Variants in LHX6 observed in about 807,000 individuals in gnomAD.
The protein encoded by LHX6 is LIM homeobox 6.
Under a neutral mutation model 47.1 loss-of-function variants are expected in LHX6, and 15 were observed. The ratio of observed to expected loss-of-function variants is 0.32; its 90% CI spans 0.21 to 0.49. The LOEUF is 0.49. LHX6 is among the 20% of genes least tolerant of loss of function. The pLI is 0.99. For synonymous variants in LHX6, 242 were observed against 233.5 expected, an observed-to-expected ratio of 1.04 and a Z score of -0.33; for missense variants, 404 against 539.6, an observed-to-expected ratio of 0.75 and a Z score of 2.49.
chr9:122,223,891 G>A (rs1830979335), intron 4 of LHX6, among the ~76,000 whole-genome samples: 1 of 152,172 alleles, frequency 6.6e-6, no homozygotes, highest in Non-Finnish European at 1.5e-5. Flanking sequence ...AGAGCCAGGA[G>A]AGGTGTCCTA....
rs1254878916 is a variant in LHX6 at position 122,214,783 on chromosome 9, G to C, written c.683-400C>G. ...GGACACCAAAGGCTAGAGGAGATAGGAAGCAAGCAAGTAACGGAACTATGC... is the reference window on the plus strand; with the variant it reads ...GGACACCAAAGGCTAGAGGAGATAGCAAGCAAGCAAGTAACGGAACTATGC... On this transcript the variant is annotated intron_variant, in intron 5 of 9. Transcript: ENST00000394319. The surrounding 1 kb of genome is among the most constrained non-coding windows in gnomAD (Gnocchi z 4.6). 1.3e-5 allele frequency among the ~76,000 whole-genome samples: 2 copies of C among 152,140 alleles called. No individual in the cohort carries two copies. The highest frequency in any genetic ancestry group is 4.8e-5 in the African/African-American group (2 of 41,426).
Position 122,213,100 on chromosome 9 carries a change from C to G in LHX6, c.1054+506G>C, listed in dbSNP as rs535702631. 6.6e-6 allele frequency among the ~76,000 whole-genome samples: 1 copy of G among 152,102 alleles called. No homozygotes were observed. The highest frequency in any genetic ancestry group is 1.9e-4 in the East Asian group (1 of 5,130). On this transcript the variant is annotated intron_variant, in intron 8 of 9. Transcript: ENST00000394319. The surrounding 1 kb of genome is among the most constrained non-coding windows in gnomAD (Gnocchi z 5.5). ...AGGGCCTGCGTGCATTCCGTTCCCC[C>G]ACTCCAGGTACCTCACTAAATCCTA...
chr9:122,218,953 C>A (rs975771812), intron 4 of LHX6, among the ~76,000 whole-genome samples: 2 of 152,158 alleles, frequency 1.3e-5, no homozygotes, highest in African/African-American at 4.8e-5. Context: ...GTTTCTGGCT[C>A]TTCTCTTCCA....
At chr9:122,220,477 C>A (rs1023424670) in intron 4 of LHX6, among the ~76,000 whole-genome samples, 1 of 152,222 alleles carries the variant, frequency 6.6e-6, no homozygotes, top group Non-Finnish European at 1.5e-5. Context: ...TCCGACAGAA[C>A]GACAGACTCC....
intron 9 of LHX6, among the ~76,000 whole-genome samples, chr9:122,208,801 C>G (rs1030708193): frequency 2.1e-5 from 3 of 143,660 alleles, no homozygotes; most frequent in South Asian, 2.2e-4. Flanking sequence ...CGCCATTGCA[C>G]TCCAGCCTGG....
intron 1 of LHX6, chr9:122,227,949 T>TCCTGGGGGGCCCCCC: frequency 5.7e-6 from 1 of 176,980 alleles, no homozygotes; most frequent in African/African-American, 2.4e-5. Flanking sequence ...TTTTTCTCTC[T>TCCTGGGGGGCCCCCC]CCACCCGCCC....
At position 122,213,847 on chromosome 9, in the gene LHX6, A is replaced by G; in HGVS notation, c.880-67T>C. ...GTCGGACGCGCCGCCGGGAGACCCC[A>G]GGCGGGACTGCCTCGTCGCCTCCTG... On this transcript the variant is annotated intron_variant, in intron 7 of 9. Coordinates refer to ENST00000394319, the MANE Select transcript of LHX6 (RefSeq NM_014368.5). The surrounding 1 kb of genome is among the most constrained non-coding windows in gnomAD (Gnocchi z 5.5). 6.5e-7 allele frequency: 1 copy of G among 1,529,646 alleles called. No individual in the cohort carries two copies. Among genetic ancestry groups the G allele is most frequent in the Non-Finnish European group, 8.8e-7 (1 of 1,132,916 alleles). 94.8% of individuals were successfully genotyped at this position (1,529,646 alleles called of 1,614,324 possible). A position where few individuals can be genotyped will look rare whatever the true frequency, so the allele number is the denominator to read the frequency against.
Position 122,226,066 on chromosome 9 carries a change from C to T in LHX6, c.461+310G>A, listed in dbSNP as rs572932242. On this transcript the variant is annotated intron_variant, in intron 4 of 9. Coordinates refer to ENST00000394319, the MANE Select transcript of LHX6 (RefSeq NM_014368.5). This position sits in a 1 kb window ranked among gnomAD's most constrained non-coding sequence, Gnocchi z 6.5. ...TGGGGACCTCAGAGCTCCACCGAGG[C>T]GCTCGAGGTCAGAACTGAAGCCTGA... Among the ~76,000 whole-genome samples the T allele has an allele frequency of 6.6e-6, 1 of 152,284 alleles. No individual in the cohort carries two copies. Among genetic ancestry groups the T allele is most frequent in the African/African-American group, 2.4e-5 (1 of 41,568 alleles).
intron 1 of LHX6, 35 bp from the exon 2 acceptor site, chr9:122,227,515 G>GGCT (rs759252680): frequency 5.2e-6 from 8 of 1,523,944 alleles, no homozygotes; most frequent in Non-Finnish European, 6.1e-6. Flanking sequence ...AGGCGGCGGC[G>GGCT]GCTGCTGAAC....
intron 4 of LHX6, among the ~76,000 whole-genome samples, chr9:122,219,402 C>G (rs1830731079): frequency 6.6e-6 from 1 of 152,204 alleles, no homozygotes; most frequent in Non-Finnish European, 1.5e-5. Flanking sequence ...CAGCCCAGAC[C>G]ACGGTCTCTG....
intron 4 of LHX6, chr9:122,220,921 G>T: frequency 5.0e-6 from 1 of 198,244 alleles, no homozygotes; most frequent in Non-Finnish European, 9.1e-6. Flanking sequence ...GTAATTATTT[G>T]TTGGATGAAT....
At chr9:122,222,804 G>T (rs1431838307) in intron 4 of LHX6, among the ~76,000 whole-genome samples, 1 of 152,192 alleles carries the variant, frequency 6.6e-6, no homozygotes. Flanking sequence ...AATGCCAGAG[G>T]TTAGAGGACC....
rs79457316 is a variant in LHX6, at chr9:122,202,658, G to C, written c.*2102C>G. 7.9e-5 allele frequency: 12 copies of C among 152,624 alleles called. No homozygotes were observed. The East Asian group carries it at 1.9e-3, about 25-fold the overall frequency. 9.5% of individuals were successfully genotyped at this position (152,624 alleles called of 1,614,324 possible). ...GACATTTACAAAGCACGACATGAAA[G>C]GTATGTAACAAAACAGACATTGGTT... On this transcript the variant is annotated 3_prime_UTR_variant, in exon 10 of 10. Transcript: ENST00000394319.
intron 4 of LHX6, among the ~76,000 whole-genome samples, chr9:122,219,980 G>A (rs1830775500): frequency 6.6e-6 from 1 of 152,236 alleles, no homozygotes; most frequent in South Asian, 2.1e-4. Context: ...CTCAGGGAGC[G>A]GACAGAGCCG....
At chr9:122,224,463 C>T (rs894223781) in intron 4 of LHX6, among the ~76,000 whole-genome samples, 2 of 152,074 alleles carry the variant, frequency 1.3e-5, no homozygotes, top group East Asian at 3.9e-4. Flanking sequence ...ACTCTGGTTA[C>T]ACACCATTAA....
At position 122,209,665 on chromosome 9, in the gene LHX6, G is replaced by T. The variant is rs777365493; in HGVS notation, c.1107C>A (p.Pro369=). 34 of 1,341,676 alleles carry T rather than the reference G, an allele frequency of 2.5e-5. No homozygotes were observed. The East Asian group carries it at 3.0e-4, about 12-fold the overall frequency. 83.1% of individuals were successfully genotyped at this position (1,341,676 alleles called of 1,614,324 possible). ...CATCCATATCGGCTTTGAGGTGGAC[G>T]GGGGGTGCGGTGTAAGGCAGCCGGC... ...VHCRLPYTAP[P]VHLKADMDGP... is the part of the protein sequence containing the mutation. The change falls in exon 9 of 10, where the codon CCC becomes CCA. Residue 369 remains proline, a synonymous_variant. Coordinates refer to ENST00000394319, the MANE Select transcript of LHX6 (RefSeq NM_014368.5).
chr9:122,219,892 T>C (rs1830767003), intron 4 of LHX6, among the ~76,000 whole-genome samples: 1 of 152,182 alleles, frequency 6.6e-6, no homozygotes, highest in Non-Finnish European at 1.5e-5. Context: ...CGCCGCGTCC[T>C]CTCTCCGGGC....
At chr9:122,212,983 T>C (rs1481196798) in intron 8 of LHX6, among the ~76,000 whole-genome samples, 1 of 152,024 alleles carries the variant, frequency 6.6e-6, no homozygotes, top group Non-Finnish European at 1.5e-5. Flanking sequence ...GGAGGTTAGG[T>C]GACTTGCCTA....
chr9:122,228,681 G>T lies in LHX6; in HGVS notation c.60C>A (p.Ala20=), dbSNP rs777842782. The change falls in exon 1 of 10, where the codon GCC becomes GCA. Residue 20 remains alanine (A), a synonymous_variant. Transcript: ENST00000394319. ...PALPEGCRLP[A]EGGPATDQVM... Reference sequence around the variant, plus strand: ...CCTGGTCGGTGGCGGGGCCGCCCTCGGCCGGCAGCCGGCAGCCCTCGGGCA... The same window carrying T: ...CCTGGTCGGTGGCGGGGCCGCCCTCTGCCGGCAGCCGGCAGCCCTCGGGCA... 8.5e-6 allele frequency: 11 copies of T among 1,289,632 alleles called. No homozygotes were observed. Among genetic ancestry groups the T allele is most frequent in the Middle Eastern group, 2.9e-4 (1 of 3,476 alleles). The allele number at this position is 1,289,632 out of a possible 1,614,324, so 79.9% of individuals were successfully genotyped here.
Sources: allele counts gnomAD v4.1 joint callset (sites outside exome capture counted in the v4.1 genomes callset), GRCh38; gene constraint gnomAD v4.1.1; non-coding constraint Gnocchi (gnomAD v3.1); transcripts MANE v1.5; gene names NCBI Gene and HGNC (gene_info 2026-07-23, HGNC 2026-07-21).